ELAVL1: variants seen among roughly 807,000 people sequenced by gnomAD.
The protein encoded by ELAVL1 is ELAV like RNA binding protein 1.
ELAVL1 carries 1 observed loss-of-function variant against 28.4 expected under a neutral mutation model. That is an observed-to-expected ratio of 0.04 (90% confidence interval 0.01 to 0.17). The LOEUF is 0.17. Ranked by LOEUF, ELAVL1 falls within the 10% of genes least tolerant of loss-of-function variation. ELAVL1 has a pLI of 1.00. For missense variants in ELAVL1, 157 were observed against 447.2 expected, an observed-to-expected ratio of 0.35 and a Z score of 5.85; for synonymous variants, 174 against 183.5, an observed-to-expected ratio of 0.95 and a Z score of 0.42.
intron 2 of ELAVL1, among the ~76,000 whole-genome samples, chr19:7,985,307 C>A (rs2145217040): frequency 6.6e-6 from 1 of 152,324 alleles, no homozygotes; most frequent in Non-Finnish European, 1.5e-5. Context: ...AGGAGGCCTC[C>A]AGAGGAGAAG....
intron 3 of ELAVL1, among the ~76,000 whole-genome samples, chr19:7,977,128 G>A (rs1376747624): frequency 6.6e-6 from 1 of 152,226 alleles, no homozygotes; most frequent in African/African-American, 2.4e-5. Flanking sequence ...CGTGAGTGGA[G>A]TGCGCAGTAG....
At position 7,991,689 on chromosome 19, in the gene ELAVL1, T is replaced by C; in HGVS notation, c.127A>G (p.Ile43Val). The change falls in exon 2 of 6, where the codon ATT (isoleucine) becomes GTT (valine). Residue 43 changes from isoleucine (I) to valine (V), a missense_variant. Ile to Val is a conservative substitution (Grantham distance 29). Coordinates refer to ENST00000407627, the MANE Select transcript of ELAVL1 (RefSeq NM_001419.3). The stretch of plus-strand genomic sequence containing the variant: ...AGTTTTGCAGATTCAACTTCACCAA[T>C]GCTGCTGAACAGGCTTCGTAACTCA... ...QDELRSLFSSIGEVESAKLIR... is the reference protein window; with the variant it reads ...QDELRSLFSSVGEVESAKLIR... 6.2e-7 allele frequency: 1 copy of C among 1,613,232 alleles called. No individual in the cohort carries two copies. Among genetic ancestry groups the C allele is most frequent in the Non-Finnish European group, 8.5e-7 (1 of 1,179,716 alleles).
rs1489064987 is a variant in ELAVL1, at chr19:7,979,378, T to C, written c.276+1705A>G. ...CCAAACTCAGGCAGCCACTCCAGCC[T>C]TTCCCACCAACATCAATCCTAGAGA... On this transcript the variant is annotated intron_variant, in intron 3 of 5. Transcript: ENST00000407627. The surrounding 1 kb of genome is among the most constrained non-coding windows in gnomAD (Gnocchi z 5.4). Among the ~76,000 whole-genome samples, 1 of 152,200 alleles carries C rather than the reference T, an allele frequency of 6.6e-6. No homozygotes were observed. The highest frequency in any genetic ancestry group is 1.5e-5 in the Non-Finnish European group (1 of 68,026).
chr19:7,967,937 CA>C, intron 4 of ELAVL1, 147 bp from the exon 5 acceptor site: 1 of 805,826 alleles, frequency 1.2e-6, no homozygotes. Context: ...AAAGTGAAAA[CA>C]AATGGATGGA....
rs1304370279 is a variant in ELAVL1 at position 7,979,551 on chromosome 19, G to T, written c.276+1532C>A. Among the ~76,000 whole-genome samples the T allele has an allele frequency of 6.6e-6, 1 of 152,228 alleles. No homozygotes were observed. The highest frequency in any genetic ancestry group is 1.5e-5 in the Non-Finnish European group (1 of 68,028). On this transcript the variant is annotated intron_variant, in intron 3 of 5. Transcript: ENST00000407627. The surrounding 1 kb of genome is among the most constrained non-coding windows in gnomAD (Gnocchi z 5.4). ...ACCTTCACACATTTTCTAAATAGGG[G>T]AGAGAATTCCTAGATGGGGAGTCCA...
intron 3 of ELAVL1, among the ~76,000 whole-genome samples, chr19:7,975,974 T>G (rs1021049585): frequency 1.3e-5 from 2 of 151,890 alleles, no homozygotes; most frequent in Non-Finnish European, 2.9e-5. Flanking sequence ...ATACCTCTAT[T>G]CCCAGCTACT....
chr19:7,974,575 G>C (rs1443471910), intron 3 of ELAVL1, among the ~76,000 whole-genome samples: 2 of 152,150 alleles, frequency 1.3e-5, no homozygotes, highest in African/African-American at 4.8e-5. Context: ...CGGCCGTGCA[G>C]ACCCCATGGG....
Position 7,974,540 on chromosome 19 carries a change from C to T in ELAVL1, c.277-662G>A, listed in dbSNP as rs753098670. Among the ~76,000 whole-genome samples the T allele has an allele frequency of 1.2e-3, 184 of 152,264 alleles. 11 individuals carry two copies. The highest frequency in any genetic ancestry group is 2.4e-4 in the Non-Finnish European group (16 of 68,012). ...GGAGGCCAATGCAAGACAAGGTCTT[C>T]GGTGCTTTCTCAGGTTGGCGCTGAC... is the stretch of plus-strand genomic sequence containing the variant. On this transcript the variant is annotated intron_variant, in intron 3 of 5. Transcript: ENST00000407627.
chr19:8,002,261 G>C, intron 1 of ELAVL1: 1 of 526,188 alleles, frequency 1.9e-6, no homozygotes, highest in Non-Finnish European at 3.3e-6. Context: ...CCTCCCCACC[G>C]CTACTGCCTC....
intron 2 of ELAVL1, among the ~76,000 whole-genome samples, chr19:7,987,324 T>C (rs1337192179): frequency 6.6e-6 from 1 of 151,746 alleles, no homozygotes; most frequent in Non-Finnish European, 1.5e-5. Context: ...TCCATGAGGG[T>C]AGAGGGCTGA....
chr19:8,002,475 G>A (rs972261934), intron 1 of ELAVL1, among the ~76,000 whole-genome samples: 11 of 152,226 alleles, frequency 7.2e-5, no homozygotes, highest in Admixed American at 2.6e-4. Flanking sequence ...GAGGGAGCGA[G>A]CCTCACTTCC....
intron 5 of ELAVL1, among the ~76,000 whole-genome samples, chr19:7,966,947 C>T (rs971213045): frequency 2.0e-5 from 3 of 152,100 alleles, no homozygotes; most frequent in Admixed American, 6.5e-5. Context: ...CTCGCGGCTC[C>T]GTTCTGCTGT....
At chr19:7,990,205 A>G (rs1985713859) in intron 2 of ELAVL1, among the ~76,000 whole-genome samples, 1 of 151,914 alleles carries the variant, frequency 6.6e-6, no homozygotes, top group African/African-American at 2.4e-5. Context: ...GAATTTTAGT[A>G]TAGACAGGGT....
At chr19:8,002,825 G>A (rs1156800881) in intron 1 of ELAVL1, among the ~76,000 whole-genome samples, 1 of 152,070 alleles carries the variant, frequency 6.6e-6, no homozygotes, top group Non-Finnish European at 1.5e-5. Flanking sequence ...GGGTCTACGT[G>A]CAGGGGCGGG....
chr19:7,991,928 CTTTCTT>C, intron 1 of ELAVL1, 97 bp from the exon 2 acceptor site: 2 of 751,480 alleles, frequency 2.7e-6, no homozygotes, highest in South Asian at 2.7e-5. Flanking sequence ...GATTTTCTTT[CTTTCTT>C]TTTTTTTTTT....
At chr19:7,987,106 C>T (rs967817847) in intron 2 of ELAVL1, among the ~76,000 whole-genome samples, 18 of 3,682 alleles carry the variant, frequency 4.9e-3, no homozygotes, top group Non-Finnish European at 6.4e-3. Flanking sequence ...AGAGCCTGAC[C>T]GGGGGGTGCC....
At chr19:7,972,533 T>C (rs1217715484) in intron 4 of ELAVL1, among the ~76,000 whole-genome samples, 2 of 152,216 alleles carry the variant, frequency 1.3e-5, no homozygotes, top group East Asian at 3.8e-4. Context: ...GAGAGGGGCA[T>C]CCGAATTCTG....
rs557688313 is a variant in ELAVL1, at chr19:8,001,668, G to GT, written c.-17+3826dup. 1.4e-4 allele frequency among the ~76,000 whole-genome samples: 21 copies of GT among 150,616 alleles called. No individual in the cohort carries two copies. In the East Asian group the frequency reaches 4.1e-3, roughly 29 times the overall value. On this transcript the variant is annotated intron_variant, in intron 1 of 5. Coordinates refer to ENST00000407627, the MANE Select transcript of ELAVL1 (RefSeq NM_001419.3). ...TTTTTTAGAGATGGGATCTCGCTAT[G>GT]TTGCCCAGGCTGGTCTTGAACTCCT...
intron 1 of ELAVL1, among the ~76,000 whole-genome samples, chr19:7,997,276 T>C (rs894082160): frequency 3.9e-5 from 6 of 152,182 alleles, no homozygotes; most frequent in Non-Finnish European, 8.8e-5. Context: ...TTCATAATCA[T>C]CCAAAACTAC....
Sources: gnomAD v4.1 joint callset for allele counts (sites outside exome capture counted in the v4.1 genomes callset) on GRCh38, gnomAD v4.1.1 for gene constraint, Gnocchi (gnomAD v3.1) non-coding constraint, MANE v1.5 for transcripts, NCBI Gene and HGNC (gene_info 2026-07-23, HGNC 2026-07-21) for gene names.